CAPN7: variants seen among roughly 807,000 people sequenced by gnomAD.
CAPN7 encodes calpain 7.
In CAPN7, 72 loss-of-function variants were observed where a neutral mutation model predicts 115.2. The observed-to-expected ratio is 0.63, with a 90% CI of 0.52 to 0.76. The LOEUF (loss-of-function observed/expected upper bound fraction) is 0.76, where lower values mean the gene tolerates loss of function less well. Ranked by LOEUF, CAPN7 falls within the 30% of genes least tolerant of loss-of-function variation. The probability of loss-of-function intolerance (pLI) is 0.00; values close to 1 mark genes in which losing one functional copy is unlikely to be tolerated. For missense variants in CAPN7, 905 were observed against 971.5 expected (o/e 0.93, Z 0.91); for synonymous variants, 344 against 322.3 (o/e 1.07, Z -0.72).
At chr3:15,242,625 C>T (rs1170007630) in intron 16 of CAPN7, among the ~76,000 whole-genome samples, 1 of 152,060 alleles carries the variant, frequency 6.6e-6, no homozygotes, top group Non-Finnish European at 1.5e-5. Flanking sequence ...ATCTACCTGC[C>T]CCCCTTTATT....
intron 19 of CAPN7, among the ~76,000 whole-genome samples, chr3:15,250,698 G>A (rs1695955423): frequency 6.6e-6 from 1 of 152,080 alleles, no homozygotes; most frequent in Non-Finnish European, 1.5e-5. Context: ...TTCCCGGGGA[G>A]CCCATGGTAA....
At chr3:15,225,160 G>A (rs879544053) in intron 6 of CAPN7, among the ~76,000 whole-genome samples, 2 of 152,080 alleles carry the variant, frequency 1.3e-5, no homozygotes, top group Non-Finnish European at 2.9e-5. Context: ...TATAATAAAG[G>A]TTACCTGCTA....
At position 15,206,413 on chromosome 3, in the gene CAPN7, G is replaced by GC; in HGVS notation, c.-81dup. On this transcript the variant is annotated 5_prime_UTR_variant, in exon 1 of 21. Transcript: ENST00000253693. ...CCTTCCGCGGCGCTCCCGAGTCCTC[G>GC]CCGCCGCCGGGCCGCCGCAGTCCGC... The GC allele has an allele frequency of 9.3e-7, 1 of 1,071,526 alleles. No individual in the cohort carries two copies. The highest frequency in any genetic ancestry group is 1.4e-6 in the Non-Finnish European group (1 of 737,418). The allele number at this position is 1,071,526 out of a possible 1,614,324, so 66.4% of individuals were successfully genotyped here.
At position 15,240,569 on chromosome 3, in the gene CAPN7, C is replaced by G. The variant is rs570333379; in HGVS notation, c.1504C>G (p.Gln502Glu). The G allele has an allele frequency of 6.2e-7, 1 of 1,612,242 alleles. No individual in the cohort carries two copies. The highest frequency in any genetic ancestry group is 2.2e-5 in the East Asian group (1 of 44,806). The change falls in exon 13 of 21, where the codon CAA (glutamine) becomes GAA (glutamate). Residue 502 changes from glutamine to glutamate, a missense_variant. By Grantham distance (29) the Gln-to-Glu change is conservative. Transcript: ENST00000253693. Reference protein sequence around the residue: ...NDVKNWTPELQKYLNFDPRTA... With the variant: ...NDVKNWTPELEKYLNFDPRTA... ...TGTAAAAAACTGGACTCCAGAGTTG[C>G]AAAAGTATTTAAACTTTGATCCCCG...
At chr3:15,231,523 C>G (rs1694684845) in intron 9 of CAPN7, among the ~76,000 whole-genome samples, 1 of 151,762 alleles carries the variant, frequency 6.6e-6, no homozygotes, top group South Asian at 2.1e-4. Context: ...ATCCTCATAT[C>G]TCTGAGAACA....
chr3:15,234,198 C>T (rs1694856778), intron 11 of CAPN7, among the ~76,000 whole-genome samples: 2 of 152,148 alleles, frequency 1.3e-5, no homozygotes, highest in African/African-American at 4.8e-5. Context: ...CACCTGTAAT[C>T]CCAGCTACTC....
Position 15,241,471 on chromosome 3 carries a change from A to G in CAPN7, c.1671A>G (p.Gln557=), listed in dbSNP as rs747236934. The G allele has an allele frequency of 1.9e-6, 3 of 1,614,086 alleles. No individual in the cohort carries two copies. The highest frequency in any genetic ancestry group is 2.5e-6 in the Non-Finnish European group (3 of 1,179,972). ...CTTTTAGTACTTGGGATGCTAAGCA[A>G]GGACCTGTGAAAGATGCCTATAGCC... ...TCIHSTWDAK[Q]GPVKDAYSLA... The change falls in exon 15 of 21, where the codon CAA becomes CAG. Residue 557 remains glutamine, a synonymous_variant. Coordinates refer to ENST00000253693, the MANE Select transcript of CAPN7 (RefSeq NM_014296.3).
intron 5 of CAPN7, among the ~76,000 whole-genome samples, chr3:15,222,216 A>G (rs1304382988): frequency 6.6e-6 from 1 of 152,200 alleles, no homozygotes; most frequent in Non-Finnish European, 1.5e-5. Context: ...GGATATTAAA[A>G]ATGTAAAACA....
Position 15,237,401 on chromosome 3 carries a change from G to A in CAPN7, c.1407+2256G>A, listed in dbSNP as rs1318768248. Among the ~76,000 whole-genome samples the A allele has an allele frequency of 2.0e-5, 3 of 152,046 alleles. No homozygotes were observed. In the East Asian group the frequency reaches 5.8e-4, roughly 29 times the overall value. ...ACCACTATGATATATGTAGTTCATCGCTGTCTTAACATTTCATTATATGGT... is the reference window on the plus strand; with the variant it reads ...ACCACTATGATATATGTAGTTCATCACTGTCTTAACATTTCATTATATGGT... On this transcript the variant is annotated intron_variant, in intron 12 of 20. Coordinates refer to ENST00000253693, the MANE Select transcript of CAPN7 (RefSeq NM_014296.3).
chr3:15,238,419 T>C (rs1695132395), intron 12 of CAPN7, among the ~76,000 whole-genome samples: 1 of 152,150 alleles, frequency 6.6e-6, no homozygotes, highest in African/African-American at 2.4e-5. Context: ...TGGCCAATTC[T>C]GACTTCTGTT....
At position 15,250,098 on chromosome 3, in the gene CAPN7, C is replaced by T. The variant is rs535845438; in HGVS notation, c.2205-833C>T. On this transcript the variant is annotated intron_variant, in intron 19 of 20. Coordinates refer to ENST00000253693, the MANE Select transcript of CAPN7 (RefSeq NM_014296.3). ...TTTTTAATTATACCCTGTGGCCAGG[C>T]GTGGTGGCTCAAGGCTGTAATCCCA... Among the ~76,000 whole-genome samples, 284 of 147,610 alleles carry T rather than the reference C, an allele frequency of 1.9e-3. 2 individuals carry two copies. Among genetic ancestry groups the T allele is most frequent in the African/African-American group, 6.5e-3 (265 of 40,500 alleles).
Position 15,229,013 on chromosome 3 carries a change from A to G in CAPN7, c.892A>G (p.Ile298Val), listed in dbSNP as rs1694506739. The change falls in exon 8 of 21, where the codon ATC (isoleucine) becomes GTC (valine). Residue 298 changes from isoleucine (I) to valine (V), a missense_variant. By Grantham distance (29) the Ile-to-Val change is conservative. This residue lies in a region of CAPN7 where 620 missense variants were observed against 703.4 expected (regional missense o/e 0.88). Transcript: ENST00000253693. ...TTGCTCCTTTGTGGCATCACTGGCC[A>G]TCAGTGCAGCTTATGAAAGACGTTT... ...SDCSFVASLA[I>V]SAAYERRFNK... 1 of 1,613,762 alleles carries G rather than the reference A, an allele frequency of 6.2e-7. No homozygotes were observed. The highest frequency in any genetic ancestry group is 8.5e-7 in the Non-Finnish European group (1 of 1,179,736).
chr3:15,222,164 C>G (rs916315311), intron 5 of CAPN7, among the ~76,000 whole-genome samples: 1 of 152,164 alleles, frequency 6.6e-6, no homozygotes, highest in African/African-American at 2.4e-5. Flanking sequence ...TGCCGACCCC[C>G]TGTCTAGCGG....
chr3:15,217,830 C>A (rs75427397), intron 3 of CAPN7, among the ~76,000 whole-genome samples: 11,993 of 152,230 alleles, frequency 0.079, 612 homozygotes, highest in Non-Finnish European at 0.11. Flanking sequence ...TCTGTTCTTA[C>A]AACTAAAATA....
chr3:15,234,080 C>G, intron 11 of CAPN7, 107 bp downstream of exon 11: 1 of 582,600 alleles, frequency 1.7e-6, no homozygotes, highest in Admixed American at 3.6e-5. Flanking sequence ...CTATGGGAGG[C>G]CAAGGCAGGC....
intron 5 of CAPN7, among the ~76,000 whole-genome samples, chr3:15,223,183 A>T (rs1287998362): frequency 1.4e-4 from 22 of 152,160 alleles, no homozygotes. Context: ...CTTAGCATAG[A>T]ATTGGTTTTG....
rs982269150 is a variant in CAPN7 at position 15,206,485 on chromosome 3, G to A, written c.-11G>A. 3.2e-6 allele frequency: 5 copies of A among 1,540,232 alleles called. No individual in the cohort carries two copies. In the South Asian group the frequency reaches 3.6e-5, roughly 11 times the overall value. On this transcript the variant is annotated 5_prime_UTR_variant, in exon 1 of 21. Transcript: ENST00000253693. ...GCCTCCTTCCCTGCCCCGGCGCGGGGCCACTGCGCCATGGACGCCACAGCA... is the reference window on the plus strand; with the variant it reads ...GCCTCCTTCCCTGCCCCGGCGCGGGACCACTGCGCCATGGACGCCACAGCA...
chr3:15,214,763 T>A (rs1433199832), intron 2 of CAPN7, among the ~76,000 whole-genome samples: 1 of 152,324 alleles, frequency 6.6e-6, no homozygotes, highest in East Asian at 1.9e-4. Flanking sequence ...AGTTCAAGAC[T>A]TGGAATTAAA....
At chr3:15,207,912 A>G (rs956963004) in intron 1 of CAPN7, among the ~76,000 whole-genome samples, 3 of 152,250 alleles carry the variant, frequency 2.0e-5, no homozygotes, top group Non-Finnish European at 4.4e-5. Flanking sequence ...TAGTAAATAC[A>G]TAAACCAGTA....
Sources: gnomAD v4.1 joint callset for allele counts (sites outside exome capture counted in the v4.1 genomes callset) on GRCh38, gnomAD v4.1.1 for gene constraint, gnomAD v4.1.1 regional missense constraint, MANE v1.5 for transcripts, NCBI Gene and HGNC (gene_info 2026-07-23, HGNC 2026-07-21) for gene names.